Variants in BICD1 observed in about 807,000 individuals in gnomAD.
BICD1 encodes the protein protein bicaudal D homolog 1.
A neutral mutation model predicts 92.5 loss-of-function variants in BICD1; 35 were observed. The observed-to-expected ratio is 0.38, with a 90% CI of 0.29 to 0.50. BICD1 has a LOEUF of 0.50. BICD1 is among the 20% of genes least tolerant of loss of function. BICD1 has a pLI of 0.93. For missense variants in BICD1, 950 were observed against 1,189.8 expected, an observed-to-expected ratio of 0.80 and a Z score of 2.97; for synonymous variants, 429 against 465.1, an observed-to-expected ratio of 0.92 and a Z score of 1.00.
intron 2 of BICD1, among the ~76,000 whole-genome samples, chr12:32,222,436 C>T (rs1290857314): frequency 2.6e-5 from 4 of 152,114 alleles, no homozygotes; most frequent in South Asian, 2.1e-4. Flanking sequence ...TGATGGGGCA[C>T]GTGGATCAAA....
At chr12:32,192,169 C>T (rs649902) in intron 1 of BICD1, among the ~76,000 whole-genome samples, 11 of 152,112 alleles carry the variant, frequency 7.2e-5, no homozygotes, top group East Asian at 3.9e-4. Context: ...CGGTGGCTCA[C>T]GCCTGTAATC....
At chr12:32,117,680 T>TCA (rs1941965590) in intron 1 of BICD1, among the ~76,000 whole-genome samples, 2 of 80,670 alleles carry the variant, frequency 2.5e-5, no homozygotes, top group African/African-American at 8.4e-5. Context: ...TTACGCTTAG[T>TCA]CATATATATA....
At position 32,171,632 on chromosome 12, in the gene BICD1, G is replaced by A. The variant is rs145326951; in HGVS notation, c.214-44615G>A. ...CTTTGTTGGTGGTTTTTATATTTAT[G>A]TTTAAAAAATTATAAACTAGGCTAG... On this transcript the variant is annotated intron_variant, in intron 1 of 9. Coordinates refer to ENST00000652176, the MANE Select transcript of BICD1 (RefSeq NM_001714.4). Among the ~76,000 whole-genome samples, 128 of 152,156 alleles carry A rather than the reference G, an allele frequency of 8.4e-4. 1 individual carries two copies. In the East Asian group the frequency reaches 0.017, roughly 21 times the overall value.
intron 1 of BICD1, among the ~76,000 whole-genome samples, chr12:32,214,837 C>T (rs74072017): frequency 0.11 from 16,643 of 151,830 alleles, 1,094 homozygotes; most frequent in African/African-American, 0.18. Context: ...TGTTACTGTT[C>T]GTGTTCCATT....
intron 1 of BICD1, among the ~76,000 whole-genome samples, chr12:32,151,332 C>T (rs1385552604): frequency 1.3e-5 from 2 of 152,172 alleles, no homozygotes; most frequent in African/African-American, 4.8e-5. Flanking sequence ...CCCTGACAGC[C>T]CTTCTGATGG....
In BICD1 at chr12:32,293,127, A is replaced by G. The variant is rs140070190; in HGVS notation, c.427-867A>G. On this transcript the variant is annotated intron_variant, in intron 2 of 9. Transcript: ENST00000652176. Reference sequence around the variant, plus strand: ...AATTCTTTATAAGTCACCGCTATTGACAGTTTTCTGGATATTCTTACAAAT... The same window carrying G: ...AATTCTTTATAAGTCACCGCTATTGGCAGTTTTCTGGATATTCTTACAAAT... 5.2e-3 allele frequency among the ~76,000 whole-genome samples: 787 copies of G among 152,188 alleles called. 4 individuals are homozygous for G. Among genetic ancestry groups the G allele is most frequent in the African/African-American group, 0.018 (737 of 41,516 alleles).
intron 2 of BICD1, among the ~76,000 whole-genome samples, chr12:32,251,499 C>T (rs549380474): frequency 4.7e-4 from 72 of 152,274 alleles, no homozygotes; most frequent in African/African-American, 1.7e-3. Context: ...GAATCTTTTC[C>T]TTGCCCTTCT....
At chr12:32,221,380 A>T (rs1049235892) in intron 2 of BICD1, among the ~76,000 whole-genome samples, 7 of 146,484 alleles carry the variant, frequency 4.8e-5, no homozygotes, top group Admixed American at 1.4e-4. Context: ...AATAAATAAA[A>T]ATAAATAAAA....
At chr12:32,287,539 T>TTTG (rs1555163323) in intron 2 of BICD1, among the ~76,000 whole-genome samples, 1 of 129,798 alleles carries the variant, frequency 7.7e-6, no homozygotes, top group Admixed American at 7.6e-5. Flanking sequence ...GTGTTTTTTT[T>TTTG]TTTGTTTTTT....
intron 2 of BICD1, among the ~76,000 whole-genome samples, chr12:32,225,684 G>A (rs1431128575): frequency 1.5e-5 from 2 of 137,812 alleles, no homozygotes; most frequent in Non-Finnish European, 3.1e-5. Flanking sequence ...TCAATGGCAT[G>A]ATCTCAGCTC....
At chr12:32,192,582 GA>G (rs1944608457) in intron 1 of BICD1, among the ~76,000 whole-genome samples, 1 of 152,186 alleles carries the variant, frequency 6.6e-6, no homozygotes, top group Non-Finnish European at 1.5e-5. Context: ...GCTTAATCCA[GA>G]GCAAGGTCTT....
chr12:32,230,956 G>A (rs1945867738), intron 2 of BICD1, among the ~76,000 whole-genome samples: 1 of 152,178 alleles, frequency 6.6e-6, no homozygotes, highest in African/African-American at 2.4e-5. Context: ...ATTTTAAGGA[G>A]CATGGACATT....
intron 2 of BICD1, among the ~76,000 whole-genome samples, chr12:32,232,628 A>G (rs1434606439): frequency 2.0e-5 from 3 of 151,788 alleles, no homozygotes; most frequent in Non-Finnish European, 4.4e-5. Flanking sequence ...TTTTGTTGCC[A>G]TTGCTTTTGG....
intron 1 of BICD1, among the ~76,000 whole-genome samples, chr12:32,128,193 C>T (rs550258043): frequency 2.6e-4 from 40 of 152,294 alleles, no homozygotes; most frequent in African/African-American, 6.5e-4. Flanking sequence ...CGTGAGCCAC[C>T]GCACCCGGCC....
chr12:32,308,028 T>A (rs1354039557), intron 4 of BICD1, among the ~76,000 whole-genome samples: 1 of 152,192 alleles, frequency 6.6e-6, no homozygotes, highest in Non-Finnish European at 1.5e-5. Context: ...TTCAAGCAGG[T>A]CATCTATTGG....
intron 2 of BICD1, among the ~76,000 whole-genome samples, chr12:32,257,368 AAT>A (rs144043377): frequency 0.015 from 2,332 of 152,274 alleles, 68 homozygotes; most frequent in African/African-American, 0.053. Context: ...TGGAATATAA[AAT>A]ATGTTATTTG....
chr12:32,107,874 T>C, intron 1 of BICD1: 1 of 610,868 alleles, frequency 1.6e-6, no homozygotes, highest in Non-Finnish European at 2.9e-6. Context: ...TCAAAACCGC[T>C]GTTATCTCAA....
intron 4 of BICD1, among the ~76,000 whole-genome samples, chr12:32,317,214 A>T (rs1382111252): frequency 6.6e-6 from 1 of 152,202 alleles, no homozygotes; most frequent in East Asian, 1.9e-4. Flanking sequence ...TCCTTTGGGT[A>T]TATACCCAGT....
chr12:32,358,168 C>T (rs757734485), intron 8 of BICD1, among the ~76,000 whole-genome samples: 13 of 152,048 alleles, frequency 8.5e-5, no homozygotes, highest in Admixed American at 4.6e-4. Context: ...GTGGTGTGAT[C>T]TCAGCTCACT....
Sources: allele counts gnomAD v4.1 joint callset (sites outside exome capture counted in the v4.1 genomes callset), GRCh38; gene constraint gnomAD v4.1.1; transcripts MANE v1.5; gene names NCBI Gene and HGNC (gene_info 2026-07-23, HGNC 2026-07-21).